The following CTNNA2 variants were observed in gnomAD, a reference collection of about 807,000 sequenced individuals.
The protein encoded by CTNNA2 is catenin alpha-2.
In CTNNA2, 42 loss-of-function variants were observed where a neutral mutation model predicts 101.0. The ratio of observed to expected loss-of-function variants is 0.42; its 90% CI spans 0.32 to 0.54. The LOEUF is 0.54. Ranked by LOEUF, CTNNA2 falls within the 20% of genes least tolerant of loss-of-function variation. The pLI is 0.14. For synonymous variants in CTNNA2, 450 were observed against 456.4 expected (o/e 0.99, Z 0.18); for missense variants, 871 against 1,223.1 (o/e 0.71, Z 4.29).
chr2:80,582,213 T>C lies in CTNNA2; in HGVS notation c.2007+394T>C, dbSNP rs566423141. Among the ~76,000 whole-genome samples, 3 of 151,934 alleles carry C rather than the reference T, an allele frequency of 2.0e-5. No homozygotes were observed. The South Asian group carries it at 6.2e-4, about 32-fold the overall frequency. ...CCAAGCTTGTCAACACAAGAGGCAA[T>C]GACAAATGAGGAATCAGGGCACTAC... On this transcript the variant is annotated intron_variant, in intron 14 of 18. Coordinates refer to ENST00000402739, the MANE Select transcript of CTNNA2 (RefSeq NM_001282597.3).
chr2:80,175,229 T>G (rs1705317633), intron 7 of CTNNA2, among the ~76,000 whole-genome samples: 1 of 152,168 alleles, frequency 6.6e-6, no homozygotes, highest in African/African-American at 2.4e-5. Context: ...CCCTGATCAC[T>G]CTATCCAGCT....
intron 7 of CTNNA2, among the ~76,000 whole-genome samples, chr2:80,188,590 C>G (rs1706276080): frequency 6.6e-6 from 1 of 152,172 alleles, no homozygotes; most frequent in Non-Finnish European, 1.5e-5. Flanking sequence ...ATTTCCTTGC[C>G]TTGTACAACT....
At chr2:80,621,209 G>T (rs916744773) in intron 18 of CTNNA2, among the ~76,000 whole-genome samples, 1 of 151,808 alleles carries the variant, frequency 6.6e-6, no homozygotes, top group Non-Finnish European at 1.5e-5. Flanking sequence ...ATCAAAAAGA[G>T]ATATTCTAAT....
intron 7 of CTNNA2, among the ~76,000 whole-genome samples, chr2:80,165,719 T>G (rs929178441): frequency 6.6e-5 from 10 of 152,224 alleles, no homozygotes; most frequent in African/African-American, 2.2e-4. Context: ...CACAGGCCTC[T>G]TCTGATGTCA....
intron 3 of CTNNA2, among the ~76,000 whole-genome samples, chr2:79,332,606 T>C (rs140001552): frequency 1.3e-5 from 2 of 152,332 alleles, no homozygotes; most frequent in African/African-American, 4.8e-5. Context: ...AAGCATGTCA[T>C]GTAGAAACAT....
At chr2:80,546,577 T>C (rs896483328) in intron 11 of CTNNA2, among the ~76,000 whole-genome samples, 1 of 152,174 alleles carries the variant, frequency 6.6e-6, no homozygotes, top group African/African-American at 2.4e-5. Flanking sequence ...TTTGAGCACT[T>C]GTCTATGAGG....
At chr2:79,423,368 A>G (rs1420640473) in intron 4 of CTNNA2, among the ~76,000 whole-genome samples, 1 of 152,088 alleles carries the variant, frequency 6.6e-6, no homozygotes, top group Non-Finnish European at 1.5e-5. Context: ...CTCTGTAAAC[A>G]CCACATCAAA....
intron 3 of CTNNA2, among the ~76,000 whole-genome samples, chr2:79,807,355 G>T (rs765304755): frequency 6.6e-6 from 1 of 152,054 alleles, no homozygotes; most frequent in Non-Finnish European, 1.5e-5. Context: ...TTTATGGAGG[G>T]TTAAAATCAA....
chr2:80,600,670 A>G (rs1391006214), intron 15 of CTNNA2, among the ~76,000 whole-genome samples: 1 of 152,170 alleles, frequency 6.6e-6, no homozygotes, highest in African/African-American at 2.4e-5. Flanking sequence ...AAAAGTAAAT[A>G]CATTTTAACG....
At chr2:80,369,408 C>T (rs964587753) in intron 7 of CTNNA2, among the ~76,000 whole-genome samples, 6 of 152,084 alleles carry the variant, frequency 3.9e-5, no homozygotes, top group African/African-American at 7.2e-5. Flanking sequence ...ACCTGTTCTA[C>T]GCAAGTGCTC....
intron 6 of CTNNA2, among the ~76,000 whole-genome samples, chr2:79,885,867 A>G (rs1023275447): frequency 6.6e-6 from 1 of 152,222 alleles, no homozygotes; most frequent in Non-Finnish European, 1.5e-5. Context: ...GGTATTGGCT[A>G]CTACTCCAAG....
intron 7 of CTNNA2, among the ~76,000 whole-genome samples, chr2:79,975,785 A>G (rs1558691225): frequency 1.3e-5 from 2 of 152,190 alleles, no homozygotes; most frequent in South Asian, 2.1e-4. Flanking sequence ...TGGAGCTCCT[A>G]TGCCCTCTGT....
intron 2 of CTNNA2, among the ~76,000 whole-genome samples, chr2:79,703,008 C>T (rs561858171): frequency 6.6e-6 from 1 of 152,242 alleles, no homozygotes; most frequent in South Asian, 2.1e-4. Context: ...TTAGAGAAAA[C>T]ACTCCATGCA....
At chr2:80,445,876 C>T (rs868633878) in intron 9 of CTNNA2, among the ~76,000 whole-genome samples, 2 of 152,108 alleles carry the variant, frequency 1.3e-5, no homozygotes, top group African/African-American at 4.8e-5. Flanking sequence ...AGATCAGGTG[C>T]CCTAGTTTCA....
chr2:80,200,127 G>A (rs925651986), intron 7 of CTNNA2, among the ~76,000 whole-genome samples: 2 of 152,154 alleles, frequency 1.3e-5, no homozygotes, highest in Non-Finnish European at 2.9e-5. Context: ...AATTGAATCG[G>A]CACCACTTTC....
intron 2 of CTNNA2, among the ~76,000 whole-genome samples, chr2:79,672,708 C>CTTTTTTTTTT (rs768344475): frequency 7.4e-6 from 1 of 134,336 alleles, no homozygotes; most frequent in Non-Finnish European, 1.6e-5. Flanking sequence ...TTTCTTTTTT[C>CTTTTTTTTTT]TTTTTTTTTT....
chr2:80,275,643 G>A (rs1009032345), intron 7 of CTNNA2, among the ~76,000 whole-genome samples: 3 of 151,942 alleles, frequency 2.0e-5, no homozygotes, highest in East Asian at 1.9e-4. Context: ...ATTTACCCCA[G>A]TAACATTATC....
chr2:79,635,189 A>G (rs1679941033), intron 1 of CTNNA2, among the ~76,000 whole-genome samples: 1 of 152,090 alleles, frequency 6.6e-6, no homozygotes, highest in South Asian at 2.1e-4. Context: ...TTAGACTTGA[A>G]CTTTTTATTG....
chr2:80,003,593 T>A (rs1693116351), intron 7 of CTNNA2, among the ~76,000 whole-genome samples: 1 of 152,110 alleles, frequency 6.6e-6, no homozygotes, highest in Admixed American at 6.5e-5. Flanking sequence ...CCTCACCTCT[T>A]AGTTGTCCAC....
Sources: allele counts gnomAD v4.1 joint callset (sites outside exome capture counted in the v4.1 genomes callset), GRCh38; gene constraint gnomAD v4.1.1; transcripts MANE v1.5; gene names NCBI Gene and HGNC (gene_info 2026-07-23, HGNC 2026-07-21).